Variants in ERICH5 observed in about 807,000 individuals in gnomAD.
ERICH5 encodes glutamate-rich protein 5.
ERICH5 carries 24 observed loss-of-function variants against 28.0 expected under a neutral mutation model. The ratio of observed to expected loss-of-function variants is 0.86; its 90% confidence interval spans 0.62 to 1.21. The LOEUF is 1.21. Among genes scored for constraint, ERICH5 ranks in the 50% most tolerant of loss-of-function variants. The pLI is 0.00. For synonymous variants in ERICH5, 163 were observed against 157.6 expected (o/e 1.03, Z -0.25); for missense variants, 421 against 441.2 (o/e 0.95, Z 0.41).
At chr8:98,080,582 T>TCCTTCTTCTCCTTCA (rs1173943322) in intron 1 of ERICH5, among the ~76,000 whole-genome samples, 79 of 152,070 alleles carry the variant, frequency 5.2e-4, no homozygotes, top group Non-Finnish European at 9.0e-4. Flanking sequence ...CTTCTCCTTC[T>TCCTTCTTCTCCTTCA]CCTTCTTCTC....
At chr8:98,072,937 CAG>C (rs1814944858) in intron 1 of ERICH5, among the ~76,000 whole-genome samples, 2 of 125,364 alleles carry the variant, frequency 1.6e-5, no homozygotes, top group Non-Finnish European at 3.7e-5. Context: ...ATATAAACCA[CAG>C]AGTTTCTTTT....
chr8:98,086,466 C>T (rs1353295791), intron 1 of ERICH5, among the ~76,000 whole-genome samples: 3 of 151,956 alleles, frequency 2.0e-5, no homozygotes, highest in African/African-American at 7.3e-5. Context: ...AATGATAATA[C>T]GTGAACTCCT....
chr8:98,075,136 A>G (rs914157383), intron 1 of ERICH5, among the ~76,000 whole-genome samples: 1 of 152,108 alleles, frequency 6.6e-6, no homozygotes, highest in African/African-American at 2.4e-5. Flanking sequence ...TCATCACATC[A>G]TCTCAAAGGT....
chr8:98,076,601 C>T lies in ERICH5; in HGVS notation c.58+11874C>T, dbSNP rs187554177. On this transcript the variant is annotated intron_variant, in intron 1 of 2. Coordinates refer to ENST00000318528, the MANE Select transcript of ERICH5 (RefSeq NM_173549.3). The stretch of plus-strand genomic sequence containing the variant: ...CATGTTAGTGTGAGGACAGAGACCA[C>T]ACTAAGATAGGCAGCAACGCCTGTG... Among the ~76,000 whole-genome samples the T allele has an allele frequency of 5.9e-5, 9 of 152,238 alleles. No individual in the cohort carries two copies. The East Asian group carries it at 1.7e-3, about 29-fold the overall frequency.
intron 1 of ERICH5, 33 bp from the exon 2 acceptor site, chr8:98,089,043 T>G (rs1050328793): frequency 2.0e-6 from 3 of 1,501,772 alleles, no homozygotes; most frequent in Non-Finnish European, 2.7e-6. Flanking sequence ...GTGTTTTCTC[T>G]TTTCTTTTTC....
At chr8:98,092,229 G>A (rs913397543) in intron 2 of ERICH5, among the ~76,000 whole-genome samples, 2 of 151,954 alleles carry the variant, frequency 1.3e-5, no homozygotes, top group African/African-American at 2.4e-5. Flanking sequence ...TCAGGCTGGA[G>A]TGCAGTGGTA....
At chr8:98,084,374 C>T (rs1007732047) in intron 1 of ERICH5, among the ~76,000 whole-genome samples, 2 of 151,946 alleles carry the variant, frequency 1.3e-5, no homozygotes, top group African/African-American at 2.4e-5. Context: ...CATTCTGCAG[C>T]GGGAGTATTT....
chr8:98,069,131 A>AT (rs908085798), intron 1 of ERICH5, among the ~76,000 whole-genome samples: 4 of 152,036 alleles, frequency 2.6e-5, no homozygotes, highest in Non-Finnish European at 4.4e-5. Context: ...TATAAATGGG[A>AT]TTTTTTTTCT....
At chr8:98,090,125 A>G in intron 2 of ERICH5, 96 bp downstream of exon 2, 1 of 892,292 alleles carries the variant, frequency 1.1e-6, no homozygotes, top group African/African-American at 1.7e-5. Context: ...CAGTCCCTGA[A>G]GTCACTTTCA....
intron 1 of ERICH5, among the ~76,000 whole-genome samples, chr8:98,080,128 G>A (rs1446458716): frequency 1.3e-5 from 2 of 152,236 alleles, no homozygotes. Flanking sequence ...GCAGTGAGAA[G>A]CTTGTACAGC....
chr8:98,093,545 C>T lies in ERICH5; in HGVS notation c.*212C>T, dbSNP rs1263094257. The T allele has an allele frequency of 2.6e-6, 1 of 387,994 alleles. No individual in the cohort carries two copies. The highest frequency in any genetic ancestry group is 4.0e-5 in the East Asian group (1 of 25,112). The allele number at this position is 387,994 out of a possible 1,614,324, so 24.0% of individuals were successfully genotyped here. On this transcript the variant is annotated 3_prime_UTR_variant, in exon 3 of 3. Coordinates refer to ENST00000318528, the MANE Select transcript of ERICH5 (RefSeq NM_173549.3). ...AAGCCATGAACAGTTTTCTTAGCTA[C>T]TTAGAATGGTTATACATTTAAAAGT...
intron 1 of ERICH5, 111 bp downstream of exon 1, chr8:98,064,838 G>C: frequency 1.3e-6 from 1 of 799,810 alleles, no homozygotes; most frequent in Non-Finnish European, 1.8e-6. Flanking sequence ...CAGGAGCCGG[G>C]CCTTGTCCCG....
At chr8:98,082,384 G>T (rs1213225679) in intron 1 of ERICH5, among the ~76,000 whole-genome samples, 1 of 152,162 alleles carries the variant, frequency 6.6e-6, no homozygotes, top group East Asian at 1.9e-4. Flanking sequence ...GGTGGCTCCT[G>T]CCTGTAATCC....
chr8:98,085,571 G>A (rs1815261504), intron 1 of ERICH5, among the ~76,000 whole-genome samples: 1 of 152,122 alleles, frequency 6.6e-6, no homozygotes, highest in Admixed American at 6.5e-5. Context: ...TAAATGTATG[G>A]ACATGTGGTT....
At chr8:98,091,862 T>TTC (rs1259748847) in intron 2 of ERICH5, among the ~76,000 whole-genome samples, 1 of 89,082 alleles carries the variant, frequency 1.1e-5, no homozygotes, top group Non-Finnish European at 2.3e-5. Flanking sequence ...CTTTCTTTCT[T>TTC]TCTTTCTTTC....
chr8:98,080,568 TCTTCTTCTCCTTCTC>T (rs912799861), intron 1 of ERICH5, among the ~76,000 whole-genome samples: 2 of 152,008 alleles, frequency 1.3e-5, no homozygotes, highest in East Asian at 1.9e-4. Context: ...ATCTTTCATT[TCTTCTTCTCCTTCTC>T]CTTCTTCTCC....
Position 98,064,704 on chromosome 8 carries a change from G to C in ERICH5, c.35G>C (p.Gly12Ala), listed in dbSNP as rs1814786640. Residue 12 changes from glycine to alanine, a missense_variant, in exon 1 of 3, where the codon GGC becomes GCC. Physicochemically the swap from Gly to Ala is moderately conservative, Grantham distance 60. Coordinates refer to ENST00000318528, the MANE Select transcript of ERICH5 (RefSeq NM_173549.3). ...GCSSSALNKA[G>A]DSSRFPSVTS... ...TCCAGCAGCGCCCTCAACAAGGCCG[G>C]CGACAGCAGCAGGTTCCCCAGCGGT... 1 of 1,535,402 alleles carries C rather than the reference G, an allele frequency of 6.5e-7. No individual in the cohort carries two copies. The highest frequency in any genetic ancestry group is 8.7e-7 in the Non-Finnish European group (1 of 1,143,774).
At chr8:98,078,295 A>G (rs79774344) in intron 1 of ERICH5, among the ~76,000 whole-genome samples, 1 of 152,198 alleles carries the variant, frequency 6.6e-6, no homozygotes, top group Admixed American at 6.5e-5. Context: ...AAAGTAAGAA[A>G]ATGAGAAGGA....
intron 2 of ERICH5, 84 bp from the exon 3 acceptor site, chr8:98,093,137 G>A: frequency 2.3e-6 from 2 of 878,844 alleles, no homozygotes; most frequent in Non-Finnish European, 1.8e-6. Flanking sequence ...ATCAAGAACT[G>A]CCCCCATTGG....
Sources: gnomAD v4.1 joint callset for allele counts (sites outside exome capture counted in the v4.1 genomes callset) on GRCh38, gnomAD v4.1.1 for gene constraint, MANE v1.5 for transcripts, NCBI Gene and HGNC (gene_info 2026-07-23, HGNC 2026-07-21) for gene names.